Variants in LIMS1 observed in about 807,000 individuals in gnomAD.
LIMS1 encodes LIM and senescent cell antigen-like-containing domain protein 1.
LIMS1 carries 18 observed loss-of-function variants against 44.1 expected under a neutral mutation model. The observed-to-expected ratio is 0.41, with a 90% CI of 0.28 to 0.61. The LOEUF (loss-of-function observed/expected upper bound fraction) is 0.61. Among genes scored for constraint, LIMS1 ranks in the 20% least tolerant of loss-of-function variants. The pLI is 0.32. For synonymous variants in LIMS1, 93 were observed against 149.1 expected, an observed-to-expected ratio of 0.62 and a Z score of 2.74; for missense variants, 201 against 422.0, an observed-to-expected ratio of 0.48 and a Z score of 4.59.
At chr2:108,576,217 T>G (rs1398489097) in intron 1 of LIMS1, among the ~76,000 whole-genome samples, 2 of 152,240 alleles carry the variant, frequency 1.3e-5, no homozygotes, top group African/African-American at 4.8e-5. Context: ...AGGAATAGAA[T>G]AGAACTTGTC....
At chr2:108,551,408 CTATAA>C (rs931730279) in intron 1 of LIMS1, among the ~76,000 whole-genome samples, 4 of 139,660 alleles carry the variant, frequency 2.9e-5, no homozygotes, top group African/African-American at 5.2e-5. Flanking sequence ...ATATATTTAG[CTATAA>C]TATAATTATA....
chr2:108,573,749 A>G (rs537485015), intron 1 of LIMS1, among the ~76,000 whole-genome samples: 1 of 152,282 alleles, frequency 6.6e-6, no homozygotes, highest in African/African-American at 2.4e-5. Flanking sequence ...ATGGTGATGA[A>G]CAGTATGGAG....
intron 1 of LIMS1, among the ~76,000 whole-genome samples, chr2:108,570,855 C>T (rs557120070): frequency 6.6e-6 from 1 of 152,320 alleles, no homozygotes; most frequent in African/African-American, 2.4e-5. Flanking sequence ...GACCGCTCCT[C>T]CATCCCCTAA....
intron 1 of LIMS1, among the ~76,000 whole-genome samples, chr2:108,545,314 A>G (rs898570048): frequency 1.3e-5 from 2 of 152,052 alleles, no homozygotes; most frequent in African/African-American, 4.8e-5. Flanking sequence ...GCTCACTGCA[A>G]CCTCCGCCTC....
intron 1 of LIMS1, among the ~76,000 whole-genome samples, chr2:108,594,428 C>A (rs183559064): frequency 6.6e-6 from 1 of 152,250 alleles, no homozygotes; most frequent in East Asian, 1.9e-4. Context: ...TGTTCTCAGT[C>A]CTTACCAGTC....
At chr2:108,635,876 C>T (rs1689213179) in intron 1 of LIMS1, among the ~76,000 whole-genome samples, 1 of 152,080 alleles carries the variant, frequency 6.6e-6, no homozygotes, top group South Asian at 2.1e-4. Context: ...GTTTAAATTC[C>T]TAAGTGACAT....
chr2:108,549,279 CTTTTTTTTTTTTTTTTTTTT>C lies in LIMS1; in HGVS notation c.32+14699_32+14718del, dbSNP rs71381966. ...ATAATAATGTACAAGTAAAGTGTTT[CTTTTTTTTTTTTTTTTTTTT>C]TTTTTTTTTTTTTGAGATGCAGTGT... On this transcript the variant is annotated intron_variant, in intron 1 of 9. Coordinates refer to ENST00000544547, the Ensembl canonical transcript of LIMS1. Among the ~76,000 whole-genome samples, 7 of 55,794 alleles carry C rather than the reference CTTTTTTTTTTTTTTTTTTTT, an allele frequency of 1.3e-4. No individual in the cohort carries two copies. In the South Asian group the frequency reaches 3.0e-3, roughly 24 times the overall value. The allele number at this position is 55,794 out of a possible 152,430, so 36.6% of individuals were successfully genotyped here.
chr2:108,542,497 G>A (rs901879649), intron 1 of LIMS1, among the ~76,000 whole-genome samples: 1 of 152,158 alleles, frequency 6.6e-6, no homozygotes, highest in Non-Finnish European at 1.5e-5. Flanking sequence ...GATTCATACC[G>A]AAGTGCCCTG....
chr2:108,657,697 T>G (rs1232042775), intron 1 of LIMS1, among the ~76,000 whole-genome samples: 12 of 152,304 alleles, frequency 7.9e-5, no homozygotes, highest in African/African-American at 2.9e-4. Context: ...TTGGGCCAGG[T>G]TTACTGAGCA....
At chr2:108,670,398 C>T (rs548311295) in intron 2 of LIMS1, among the ~76,000 whole-genome samples, 5,271 of 151,130 alleles carry the variant, frequency 0.035, 316 homozygotes, top group African/African-American at 0.12. Flanking sequence ...TTACAGATAT[C>T]GACCTGAAAA....
rs1321611682 is a variant in LIMS1, at chr2:108,667,549, A to ATATATAT, written c.193-3232_193-3231insTATATAT. Among the ~76,000 whole-genome samples the ATATATAT allele has an allele frequency of 2.2e-3, 159 of 73,428 alleles. 1 individual carries two copies. Among genetic ancestry groups the ATATATAT allele is most frequent in the African/African-American group, 6.9e-3 (154 of 22,458 alleles). The allele number at this position is 73,428 out of a possible 152,430, so 48.2% of individuals were successfully genotyped here. On this transcript the variant is annotated intron_variant, in intron 2 of 9. Coordinates refer to ENST00000544547, the Ensembl canonical transcript of LIMS1. ...TTTTCAACCTTTTTTAAAAAAAAAA[A>ATATATAT]AAATATATATATATATATATACTGC...
intron 1 of LIMS1, among the ~76,000 whole-genome samples, chr2:108,622,103 A>G (rs1688284033): frequency 1.3e-5 from 2 of 152,208 alleles, no homozygotes; most frequent in Non-Finnish European, 2.9e-5. Flanking sequence ...CATTAAGCCT[A>G]TGTGTTAAAA....
rs186087996 is a variant in LIMS1, at chr2:108,613,791, C to T, written c.33-45814C>T. ...TGTCTCATTTCACCTCCTAGCCCTC[C>T]CCTCAGCCACAGGGTCAGGCCCTCT... On this transcript the variant is annotated intron_variant, in intron 1 of 9. Coordinates refer to ENST00000544547, the Ensembl canonical transcript of LIMS1. Among the ~76,000 whole-genome samples the T allele has an allele frequency of 2.1e-3, 317 of 152,226 alleles. 3 individuals carry two copies. Among genetic ancestry groups the T allele is most frequent in the African/African-American group, 7.3e-3 (303 of 41,554 alleles).
chr2:108,601,775 C>T (rs536262507), intron 1 of LIMS1, among the ~76,000 whole-genome samples: 4 of 152,368 alleles, frequency 2.6e-5, no homozygotes, highest in African/African-American at 9.6e-5. Context: ...CCTTGGCCTC[C>T]CAGAGTGCTG....
At chr2:108,631,145 A>G (rs1688899488) in intron 1 of LIMS1, among the ~76,000 whole-genome samples, 1 of 152,180 alleles carries the variant, frequency 6.6e-6, no homozygotes, top group Non-Finnish European at 1.5e-5. Flanking sequence ...GGCTTAAAGA[A>G]TGGGGTAGAC....
intron 2 of LIMS1, among the ~76,000 whole-genome samples, chr2:108,664,983 A>G (rs1691647189): frequency 6.6e-6 from 1 of 152,206 alleles, no homozygotes; most frequent in Admixed American, 6.5e-5. Context: ...AAATCTTACT[A>G]TCATTAATTG....
intron 1 of LIMS1, among the ~76,000 whole-genome samples, chr2:108,547,491 G>A (rs1684519874): frequency 6.6e-6 from 1 of 152,154 alleles, no homozygotes; most frequent in African/African-American, 2.4e-5. Context: ...AAAAATGACA[G>A]GTGCCAAGCC....
chr2:108,679,087 A>C (rs559727145), intron 8 of LIMS1, among the ~76,000 whole-genome samples: 2 of 152,296 alleles, frequency 1.3e-5, no homozygotes, highest in South Asian at 4.2e-4. Context: ...TTTAGAGAAA[A>C]ATAACAATAT....
chr2:108,603,516 T>TC (rs1553458425), intron 1 of LIMS1, among the ~76,000 whole-genome samples: 6 of 148,990 alleles, frequency 4.0e-5, no homozygotes, highest in Non-Finnish European at 5.9e-5. Flanking sequence ...TTTTTTTTTT[T>TC]CCACTTGAGA....
Sources: allele counts gnomAD v4.1 joint callset (sites outside exome capture counted in the v4.1 genomes callset), GRCh38; gene constraint gnomAD v4.1.1; transcripts MANE v1.5; gene names NCBI Gene and HGNC (gene_info 2026-07-23, HGNC 2026-07-21).